The following CDH4 variants were observed in gnomAD, a reference collection of about 807,000 sequenced individuals.
CDH4 encodes cadherin 4.
CDH4 carries 33 observed loss-of-function variants against 86.0 expected under a neutral mutation model. That is an observed-to-expected ratio of 0.38 (90% CI 0.29 to 0.51). CDH4 has a LOEUF of 0.51. CDH4 is among the 20% of genes least tolerant of loss of function. CDH4 has a pLI of 0.86. For synonymous variants in CDH4, 555 were observed against 549.4 expected (o/e 1.01, Z -0.14); for missense variants, 1,114 against 1,307.4 (o/e 0.85, Z 2.28).
chr20:61,727,680 G>A (rs6587259), intron 2 of CDH4, among the ~76,000 whole-genome samples: 14,186 of 152,202 alleles, frequency 0.093, 1,111 homozygotes, highest in African/African-American at 0.21. Context: ...TGCAGATCAC[G>A]TGGTGAGAGA....
intron 2 of CDH4, among the ~76,000 whole-genome samples, chr20:61,262,862 C>T (rs1341822500): frequency 1.4e-5 from 2 of 139,334 alleles, no homozygotes; most frequent in Non-Finnish European, 3.1e-5. Context: ...CCCTTCCTTC[C>T]ACCCTCTCTC....
chr20:61,892,972 GGATA>G (rs1316991556), intron 7 of CDH4, among the ~76,000 whole-genome samples: 1 of 138,768 alleles, frequency 7.2e-6, no homozygotes, highest in African/African-American at 2.6e-5. Context: ...GTGAATAGAG[GGATA>G]GATGGGTGGA....
intron 5 of CDH4, among the ~76,000 whole-genome samples, chr20:61,845,074 A>C (rs1364499770): frequency 7.0e-6 from 1 of 142,004 alleles, no homozygotes; most frequent in African/African-American, 2.5e-5. Flanking sequence ...CCAGGACGCA[A>C]GTCAGGCCTG....
chr20:61,546,304 A>G lies in CDH4; in HGVS notation c.170-197259A>G, dbSNP rs1454546133. On this transcript the variant is annotated intron_variant, in intron 2 of 15. Transcript: ENST00000614565. Reference sequence around the variant, plus strand: ...TGTGTGCGCTCGAGTGTGCATGAGTATGCATGTGTGCAGAGGTGTGTGTGT... The same window carrying G: ...TGTGTGCGCTCGAGTGTGCATGAGTGTGCATGTGTGCAGAGGTGTGTGTGT... Among the ~76,000 whole-genome samples, 3 of 143,616 alleles carry G rather than the reference A, an allele frequency of 2.1e-5. No homozygotes were observed. The Admixed American group carries it at 2.1e-4, about 10-fold the overall frequency. The allele number at this position is 143,616 out of a possible 152,430, so 94.2% of individuals were successfully genotyped here. A position where few individuals can be genotyped will look rare whatever the true frequency, so the allele number is the denominator to read the frequency against.
rs1288569081 is a variant in CDH4 at position 61,544,003 on chromosome 20, C to T, written c.170-199560C>T. On this transcript the variant is annotated intron_variant, in intron 2 of 15. Transcript: ENST00000614565. This position sits in a 1 kb window ranked among gnomAD's most constrained non-coding sequence, Gnocchi z 6.5. ...AGAGGGTGTGGTGGTACAGCTTTCTCTCGTCACAGCTGAGGTCCCTGGAGG... is the reference window on the plus strand; with the variant it reads ...AGAGGGTGTGGTGGTACAGCTTTCTTTCGTCACAGCTGAGGTCCCTGGAGG... 5.9e-5 allele frequency among the ~76,000 whole-genome samples: 9 copies of T among 152,190 alleles called. No homozygotes were observed. The highest frequency in any genetic ancestry group is 1.0e-4 in the Non-Finnish European group (7 of 68,036).
chr20:61,647,577 C>G (rs1174570763), intron 2 of CDH4, among the ~76,000 whole-genome samples: 2 of 143,420 alleles, frequency 1.4e-5, no homozygotes, highest in Non-Finnish European at 3.1e-5. Context: ...CTCCCTCCCT[C>G]CCCCTCTCCT....
At position 61,511,248 on chromosome 20, in the gene CDH4, C is replaced by A. The variant is rs535312658; in HGVS notation, c.170-232315C>A. 4.6e-5 allele frequency among the ~76,000 whole-genome samples: 7 copies of A among 152,346 alleles called. No homozygotes were observed. In the South Asian group the frequency reaches 1.4e-3, roughly 32 times the overall value. Reference sequence around the variant, plus strand: ...TGGAATGTGTGCGCGTTAGAATCACCTGGGGAGTGTCAGCCCCACTTCACA... The same window carrying A: ...TGGAATGTGTGCGCGTTAGAATCACATGGGGAGTGTCAGCCCCACTTCACA... On this transcript the variant is annotated intron_variant, in intron 2 of 15. Coordinates refer to ENST00000614565, the MANE Select transcript of CDH4 (RefSeq NM_001794.5).
rs2085832787 is a variant in CDH4 at position 61,517,751 on chromosome 20, C to G, written c.170-225812C>G. On this transcript the variant is annotated intron_variant, in intron 2 of 15. Transcript: ENST00000614565. This position sits in a 1 kb window ranked among gnomAD's most constrained non-coding sequence, Gnocchi z 6.6. ...ACTCAAGGTCACCATTCGTCTTATTCTTGTCAGCTATTATATGTCTGATTT... is the reference window on the plus strand; with the variant it reads ...ACTCAAGGTCACCATTCGTCTTATTGTTGTCAGCTATTATATGTCTGATTT... 6.6e-6 allele frequency among the ~76,000 whole-genome samples: 1 copy of G among 152,220 alleles called. No homozygotes were observed. The highest frequency in any genetic ancestry group is 2.1e-4 in the South Asian group (1 of 4,828).
At chr20:61,796,091 A>G (rs1229325323) in intron 4 of CDH4, among the ~76,000 whole-genome samples, 2 of 151,896 alleles carry the variant, frequency 1.3e-5, no homozygotes, top group Non-Finnish European at 2.9e-5. Context: ...ACCACCATCC[A>G]GGGAGGCTCC....
intron 6 of CDH4, among the ~76,000 whole-genome samples, chr20:61,864,951 G>A (rs993719203): frequency 3.2e-4 from 49 of 152,276 alleles, no homozygotes; most frequent in African/African-American, 1.2e-3. Flanking sequence ...CCAGTCTGCT[G>A]TGCAGCAGAG....
intron 2 of CDH4, among the ~76,000 whole-genome samples, chr20:61,317,461 C>G (rs114717731): frequency 6.6e-6 from 1 of 152,212 alleles, no homozygotes; most frequent in Non-Finnish European, 1.5e-5. Flanking sequence ...CCCCCACCCT[C>G]GTGACCTGAT....
In CDH4 at chr20:61,922,577, G is replaced by A. The variant is rs548679661; in HGVS notation, c.1375-874G>A. On this transcript the variant is annotated intron_variant, in intron 9 of 15. Transcript: ENST00000614565. ...GAACTGTCTTCTGTTCCAGCTCTGC[G>A]AGTCAGAGACATAAAATCAAGGTGC... Among the ~76,000 whole-genome samples, 40 of 152,318 alleles carry A rather than the reference G, an allele frequency of 2.6e-4. No homozygotes were observed. In the South Asian group the frequency reaches 7.9e-3, roughly 30 times the overall value.
intron 4 of CDH4, among the ~76,000 whole-genome samples, chr20:61,792,269 G>A (rs893931496): frequency 6.6e-6 from 1 of 152,296 alleles, no homozygotes; most frequent in Non-Finnish European, 1.5e-5. Context: ...CCACCCTGCT[G>A]TTGAGGTGAC....
At chr20:61,573,151 C>A (rs1287399534) in intron 2 of CDH4, among the ~76,000 whole-genome samples, 1 of 152,112 alleles carries the variant, frequency 6.6e-6, no homozygotes, top group African/African-American at 2.4e-5. Context: ...CTGCACAGTC[C>A]TTTCTTCAGA....
chr20:61,665,365 A>G (rs562941915), intron 2 of CDH4, among the ~76,000 whole-genome samples: 2 of 152,254 alleles, frequency 1.3e-5, no homozygotes, highest in African/African-American at 4.8e-5. Context: ...GGCATACCCA[A>G]CAATTTGACC....
chr20:61,355,544 T>A (rs2084744156), intron 2 of CDH4, among the ~76,000 whole-genome samples: 2 of 152,214 alleles, frequency 1.3e-5, no homozygotes, highest in African/African-American at 4.8e-5. Context: ...TCCCGCACAG[T>A]CCTTGCCAAG....
chr20:61,259,041 G>C (rs925994472), intron 2 of CDH4, among the ~76,000 whole-genome samples: 1 of 152,166 alleles, frequency 6.6e-6, no homozygotes, highest in Non-Finnish European at 1.5e-5. Flanking sequence ...CAAATTGCTC[G>C]TCTCAGAACA....
At chr20:61,552,297 C>T (rs2086137996) in intron 2 of CDH4, among the ~76,000 whole-genome samples, 1 of 152,174 alleles carries the variant, frequency 6.6e-6, no homozygotes, top group South Asian at 2.1e-4. Context: ...AACTCAATTT[C>T]AAATGAGCAA....
intron 2 of CDH4, among the ~76,000 whole-genome samples, chr20:61,585,471 T>C (rs530065350): frequency 1.3e-5 from 2 of 152,248 alleles, no homozygotes; most frequent in Non-Finnish European, 2.9e-5. Flanking sequence ...TGCCTATTAT[T>C]TTGTGCCATT....
Sources: allele counts gnomAD v4.1 joint callset (sites outside exome capture counted in the v4.1 genomes callset), GRCh38; gene constraint gnomAD v4.1.1; non-coding constraint Gnocchi (gnomAD v3.1); transcripts MANE v1.5; gene names NCBI Gene and HGNC (gene_info 2026-07-23, HGNC 2026-07-21).